The following TAL1 variants were observed in gnomAD, a reference collection of about 807,000 sequenced individuals.
TAL1 encodes the protein TAL bHLH transcription factor 1, erythroid differentiation factor.
Under a neutral mutation model 17.9 loss-of-function variants are expected in TAL1, and 8 were observed. That is an observed-to-expected ratio of 0.45 (90% confidence interval 0.26 to 0.81). TAL1 has a LOEUF of 0.81. Among genes scored for constraint, TAL1 ranks in the 30% least tolerant of loss-of-function variants. The pLI is 0.17. For synonymous variants in TAL1, 223 were observed against 218.6 expected, an observed-to-expected ratio of 1.02 and a Z score of -0.18; for missense variants, 466 against 486.9, an observed-to-expected ratio of 0.96 and a Z score of 0.40.
At chr1:47,229,721 C>T (rs1643975530) in exon 1 of TAL1, 2 of 152,342 alleles carry the variant, frequency 1.3e-5, no homozygotes, top group Non-Finnish European at 2.9e-5. Flanking sequence ...GCGGTTGCCT[C>T]CTCAGCCAGG....
chr1:47,224,009 G>A (rs1360753260), exon 3 of TAL1: 1 of 1,613,692 alleles, frequency 6.2e-7, no homozygotes, highest in Non-Finnish European at 8.5e-7. Flanking sequence ...CTCACCATCA[G>A]TAATCTCCAT....
In TAL1 at chr1:47,229,221, C is replaced by T. The variant is rs78757996; in HGVS notation, c.-27G>A. On this transcript the variant is annotated 5_prime_UTR_variant, in exon 1 of 4. Transcript: ENST00000294339. ...CTGGGGCATATTTAGAGAGACCGGC[C>T]CCTCTGAATAGGATCTCCACTCCGC... is the stretch of plus-strand genomic sequence containing the variant. The T allele has an allele frequency of 1.3e-3, 266 of 198,652 alleles. 3 individuals carry two copies. The East Asian group carries it at 0.02, about 15-fold the overall frequency. The allele number at this position is 198,652 out of a possible 1,614,324, so 12.3% of individuals were successfully genotyped here. A position where few individuals can be genotyped will look rare whatever the true frequency, so the allele number is the denominator to read the frequency against.
chr1:47,219,714 G>A, exon 4 of TAL1: 1 of 1,608,072 alleles, frequency 6.2e-7, no homozygotes, highest in Admixed American at 1.7e-5. Context: ...TGGTGGCCCA[G>A]ACCCATCACC....
upstream of TAL1, chr1:47,230,651 A>G (rs1312070002): frequency 1.3e-5 from 2 of 152,140 alleles, no homozygotes; most frequent in Non-Finnish European, 2.9e-5. Context: ...GCTGTAGCGG[A>G]AAAAAACCCG....
At chr1:47,218,940 C>T (rs997101878) in exon 4 of TAL1, 1 of 263,092 alleles carries the variant, frequency 3.8e-6, no homozygotes, top group Admixed American at 4.7e-5. Flanking sequence ...TATCACTCTA[C>T]TATCATTGTC....
At chr1:47,225,505 G>A (rs1643893165) in exon 2 of TAL1, 9 of 1,235,444 alleles carry the variant, frequency 7.3e-6, no homozygotes, top group Non-Finnish European at 9.1e-6. Context: ...GGGCGGCGGG[G>A]GCAGCCAGCG....
exon 4 of TAL1, chr1:47,217,744 C>T (rs1216834419): frequency 2.5e-6 from 1 of 398,600 alleles, no homozygotes; most frequent in Non-Finnish European, 4.4e-6. Context: ...AACCCATCCA[C>T]CCATCCATAC....
exon 4 of TAL1, chr1:47,216,970 C>T (rs967079347): frequency 8.6e-6 from 2 of 231,990 alleles, no homozygotes; most frequent in Non-Finnish European, 1.7e-5. Flanking sequence ...AAAGACTTGC[C>T]CTTTCCTACC....
chr1:47,217,687 G>C, exon 4 of TAL1: 1 of 398,620 alleles, frequency 2.5e-6, no homozygotes, highest in Non-Finnish European at 4.4e-6. Flanking sequence ...AAAGAAGAGG[G>C]AGCCAGAAGT....
rs748640737 is a variant in TAL1 at position 47,225,769 on chromosome 1, C to T, written c.120G>A (p.Glu40=). 1.1e-5 allele frequency: 17 copies of T among 1,552,288 alleles called. No individual in the cohort carries two copies. In the Admixed American group the frequency reaches 3.1e-4, roughly 29 times the overall value. Residue 40 remains glutamate, a synonymous_variant, in exon 2 of 4, where the codon GAG becomes GAA. Coordinates refer to ENST00000294339, the Ensembl canonical transcript of TAL1. ...GCTCCGCTGCGGCCGCGCGGCTCGT[C>T]TCCTTGGCGACGCCGTTCAGCAGGA...
chr1:47,219,548 A>C, exon 4 of TAL1: 1 of 1,099,204 alleles, frequency 9.1e-7, no homozygotes, highest in South Asian at 1.3e-5. Flanking sequence ...TACAGGAAAC[A>C]GAAAAGCCAG....
chr1:47,223,175 C>T (rs1293155043), intron 3 of TAL1, among the ~76,000 whole-genome samples: 1 of 152,170 alleles, frequency 6.6e-6, no homozygotes, highest in African/African-American at 2.4e-5. Context: ...GGGCAGCCTT[C>T]CTACAGGAGC....
At chr1:47,224,154 A>G (rs757338906) in intron 2 of TAL1, 56 bp from the exon 4 acceptor site, 10 of 1,566,664 alleles carry the variant, frequency 6.4e-6, no homozygotes, top group African/African-American at 4.1e-5. Flanking sequence ...GGGGAGAAAG[A>G]GCTTCCTTAG....
chr1:47,218,976 C>T lies in TAL1; in HGVS notation c.*744G>A, dbSNP rs577813053. The T allele has an allele frequency of 1.4e-4, 38 of 269,374 alleles. No individual in the cohort carries two copies. In the East Asian group the frequency reaches 1.8e-3, roughly 13 times the overall value. 16.7% of individuals were successfully genotyped at this position (269,374 alleles called of 1,614,324 possible). Reference sequence around the variant, plus strand: ...CCTTTCTCTGCCTTCACACAAAGCCCGACAGGGCTTTCTCAGGGCTGCAGA... The same window carrying T: ...CCTTTCTCTGCCTTCACACAAAGCCTGACAGGGCTTTCTCAGGGCTGCAGA... On this transcript the variant is annotated 3_prime_UTR_variant, in exon 4 of 4. Coordinates refer to ENST00000294339, the Ensembl canonical transcript of TAL1.
exon 4 of TAL1, chr1:47,218,305 AC>A (rs1392376716): frequency 4.3e-6 from 1 of 232,974 alleles, no homozygotes; most frequent in Non-Finnish European, 8.5e-6. Context: ...TAAGAAAACC[AC>A]ATCCCACCAT....
chr1:47,223,800 T>G (rs1643869199), intron 3 of TAL1, among the ~76,000 whole-genome samples: 2 of 152,198 alleles, frequency 1.3e-5, no homozygotes, highest in Non-Finnish European at 2.9e-5. Context: ...TTTGCAGGAC[T>G]GTGAGTGTGG....
At chr1:47,225,310 G>C (rs1395227244) in intron 2 of TAL1, 133 bp downstream of exon 3, 1 of 840,818 alleles carries the variant, frequency 1.2e-6, no homozygotes, top group East Asian at 3.4e-5. Flanking sequence ...GGTTTAAAAC[G>C]ACCTCCTCTC....
chr1:47,225,702 C>T, exon 2 of TAL1: 1 of 1,443,444 alleles, frequency 6.9e-7, no homozygotes, highest in African/African-American at 1.5e-5. Flanking sequence ...CCGGCAGGGC[C>T]GCCCCCCGGG....
upstream of TAL1, chr1:47,231,356 A>T (rs1190290269): frequency 3.4e-5 from 1 of 29,288 alleles, no homozygotes. Flanking sequence ...CCCTCCCCCC[A>T]CTCCCGCCCC....
Sources: allele counts gnomAD v4.1 joint callset (sites outside exome capture counted in the v4.1 genomes callset), GRCh38; gene constraint gnomAD v4.1.1; transcripts MANE v1.5; gene names NCBI Gene and HGNC (gene_info 2026-07-23, HGNC 2026-07-21).